Variants in RFX7 observed in about 807,000 individuals in gnomAD.
RFX7 encodes the protein DNA-binding protein RFX7.
Under a neutral mutation model 111.8 loss-of-function variants are expected in RFX7, and 26 were observed. That is an observed-to-expected ratio of 0.23 (90% confidence interval 0.17 to 0.32). The LOEUF (loss-of-function observed/expected upper bound fraction) is 0.32. Among genes scored for constraint, RFX7 ranks in the 10% least tolerant of loss-of-function variants. RFX7 has a pLI of 1.00. For missense variants in RFX7, 1,573 were observed against 1,772.9 expected (o/e 0.89, Z 2.02); for synonymous variants, 624 against 624.4 (o/e 1.00, Z 0.01).
intron 5 of RFX7, among the ~76,000 whole-genome samples, chr15:56,109,279 C>A (rs1431126138): frequency 1.3e-5 from 2 of 152,254 alleles, no homozygotes; most frequent in African/African-American, 2.4e-5. Context: ...AGCTCCTAAC[C>A]GCGAGTGATC....
intron 5 of RFX7, among the ~76,000 whole-genome samples, chr15:56,112,379 C>CAAAAAAAA (rs71110374): frequency 6.3e-4 from 45 of 71,752 alleles, no homozygotes; most frequent in African/African-American, 9.1e-4. Context: ...GAGTACAAAT[C>CAAAAAAAA]AAAAAAAAAA....
At chr15:56,147,303 C>G (rs934654415) in intron 3 of RFX7, among the ~76,000 whole-genome samples, 2 of 152,072 alleles carry the variant, frequency 1.3e-5, no homozygotes, top group Non-Finnish European at 2.9e-5. Context: ...CATGGATGAA[C>G]CTTGAAAACA....
chr15:56,225,631 A>T (rs2043474608), intron 2 of RFX7, among the ~76,000 whole-genome samples: 1 of 152,126 alleles, frequency 6.6e-6, no homozygotes, highest in South Asian at 2.1e-4. Context: ...GAACTCCAAA[A>T]TGTCTTTCTA....
chr15:56,110,376 G>C (rs1273341728), intron 5 of RFX7, among the ~76,000 whole-genome samples: 3 of 116,066 alleles, frequency 2.6e-5, no homozygotes, highest in Admixed American at 8.4e-5. Context: ...AGGTGGGGGG[G>C]GTCAGCCCCC....
chr15:56,139,664 T>C (rs561927314), intron 5 of RFX7, among the ~76,000 whole-genome samples: 25 of 152,370 alleles, frequency 1.6e-4, no homozygotes, highest in Admixed American at 1.1e-3. Context: ...GGTGAGGAAC[T>C]GCGTTCCTTT....
intron 2 of RFX7, among the ~76,000 whole-genome samples, chr15:56,236,772 A>G (rs1365840789): frequency 6.6e-6 from 1 of 152,202 alleles, no homozygotes; most frequent in African/African-American, 2.4e-5. Context: ...ATCTCTTTAT[A>G]AAGAAGACAA....
At chr15:56,142,292 A>G (rs1254303101) in intron 5 of RFX7, among the ~76,000 whole-genome samples, 1 of 152,218 alleles carries the variant, frequency 6.6e-6, no homozygotes, top group Admixed American at 6.5e-5. Context: ...GTGCAAGGAC[A>G]ACTCTCTTGT....
rs757866696 is a variant in RFX7 at position 56,093,531 on chromosome 15, A to G, written c.4197T>C (p.Thr1399=). 3.1e-6 allele frequency: 5 copies of G among 1,613,762 alleles called. No homozygotes were observed. In the South Asian group the frequency reaches 5.5e-5, roughly 18 times the overall value. The stretch of plus-strand genomic sequence containing the variant: ...GATCAAACAGTAGATTTGGGTCTAA[A>G]GTGTTCAAATCATTGATGCTGCCTG... The part of the protein sequence containing the change: ...ELSGSINDLN[T]LDPNLLFDPG... Residue 1399 remains threonine, a synonymous_variant, in exon 10 of 10, where the codon ACT becomes ACC. Coordinates refer to ENST00000559447, the MANE Select transcript of RFX7 (RefSeq NM_022841.7).
chr15:56,243,200 G>T lies in RFX7; in HGVS notation c.86C>A (p.Ala29Asp). The change falls in exon 2 of 10, where the codon GCC (alanine) becomes GAC (aspartate). Residue 29 changes from alanine (A) to aspartate (D), a missense_variant. Coordinates refer to ENST00000559447, the MANE Select transcript of RFX7 (RefSeq NM_022841.7). ...LPPSAPNSGVALPALVPGLPG... is the reference protein window; with the variant it reads ...LPPSAPNSGVDLPALVPGLPG... ...CAGCCCGGGCACAAGGGCTGGCAGGGCCACCCCCGAGTTGGGGGCGCTGGG... is the reference window on the plus strand; with the variant it reads ...CAGCCCGGGCACAAGGGCTGGCAGGTCCACCCCCGAGTTGGGGGCGCTGGG... 7.4e-7 allele frequency: 1 copy of T among 1,342,666 alleles called. No individual in the cohort carries two copies. The highest frequency in any genetic ancestry group is 1.2e-5 in the South Asian group (1 of 84,216). 83.2% of individuals were successfully genotyped at this position (1,342,666 alleles called of 1,614,324 possible). A position where few individuals can be genotyped will look rare whatever the true frequency, so the allele number is the denominator to read the frequency against.
At chr15:56,143,894 T>G (rs766126087) in intron 4 of RFX7, among the ~76,000 whole-genome samples, 2 of 152,152 alleles carry the variant, frequency 1.3e-5, no homozygotes, top group Admixed American at 6.5e-5. Context: ...AATGAACAGC[T>G]TCTCTCCACA....
At position 56,243,243 on chromosome 15, in the gene RFX7, C is replaced by A; in HGVS notation, c.43G>T (p.Ala15Ser). The A allele has an allele frequency of 7.7e-7, 1 of 1,305,670 alleles. No homozygotes were observed. 80.9% of individuals were successfully genotyped at this position (1,305,670 alleles called of 1,614,324 possible). ...QQQPPPQQPDAHQQLPPSAPN... is the reference protein window; with the variant it reads ...QQQPPPQQPDSHQQLPPSAPN... ...GCGCTGGGGGGAAGCTGCTGATGGG[C>A]ATCAGGCTGCTGTGGTGGCGGCTGT... Residue 15 changes from alanine to serine, a missense_variant, in exon 2 of 10, where the codon GCC becomes TCC. By Grantham distance (99) the Ala-to-Ser change is moderately conservative (BLOSUM62 1). This residue lies in a region of RFX7 where 191 missense variants were observed against 194.2 expected (regional missense o/e 0.98). Transcript: ENST00000559447.
chr15:56,194,468 C>T (rs2713942), intron 2 of RFX7, among the ~76,000 whole-genome samples: 147,253 of 152,204 alleles, frequency 0.97, 71,439 homozygotes, highest in East Asian at 1. Context: ...TAATTAATTC[C>T]GTTAAAAACA....
chr15:56,158,205 A>G lies in RFX7; in HGVS notation c.196-13722T>C, dbSNP rs563319601. Among the ~76,000 whole-genome samples the G allele has an allele frequency of 1.0e-3, 159 of 152,324 alleles. 1 individual carries two copies. Among genetic ancestry groups the G allele is most frequent in the South Asian group, 3.5e-3 (17 of 4,828 alleles). On this transcript the variant is annotated intron_variant, in intron 3 of 9. Transcript: ENST00000559447. ...CTATAGTGGGTAAGGTATAGGATAT[A>G]GAATTAGAAGACCCAGATCTGAGTT...
rs1176075150 is a variant in RFX7 at position 56,144,430 on chromosome 15, C to A, written c.249G>T (p.Leu83=). The change falls in exon 4 of 10, where the codon CTG becomes CTT. Residue 83 remains leucine (L), a synonymous_variant. Coordinates refer to ENST00000559447, the MANE Select transcript of RFX7 (RefSeq NM_022841.7). ...DLEKLYLYLQ[L]PSGLSNGEKS... is the part of the protein sequence containing the mutation. ...TCTCTCCATTGCTGAGACCAGAAGG[C>A]AGCTGAAGGTAGAGGTAGAGTTTCT... 2 of 1,365,616 alleles carry A rather than the reference C, an allele frequency of 1.5e-6. No homozygotes were observed. The highest frequency in any genetic ancestry group is 3.0e-5 in the African/African-American group (2 of 67,684). The allele number at this position is 1,365,616 out of a possible 1,614,324, so 84.6% of individuals were successfully genotyped here.
intron 2 of RFX7, among the ~76,000 whole-genome samples, chr15:56,224,636 C>T (rs890260435): frequency 6.6e-6 from 1 of 151,956 alleles, no homozygotes; most frequent in African/African-American, 2.4e-5. Context: ...TTCCCATTTT[C>T]CTCTGTCCTG....
intron 3 of RFX7, among the ~76,000 whole-genome samples, chr15:56,154,493 T>C (rs1163406581): frequency 6.6e-6 from 1 of 152,210 alleles, no homozygotes; most frequent in Non-Finnish European, 1.5e-5. Context: ...TACAACTATC[T>C]GATCTTTGAC....
chr15:56,150,505 T>C (rs1389134199), intron 3 of RFX7, among the ~76,000 whole-genome samples: 1 of 152,090 alleles, frequency 6.6e-6, no homozygotes, highest in African/African-American at 2.4e-5. Context: ...CCGCTGGTGA[T>C]ACCCAGACAA....
At chr15:56,173,265 G>A (rs2141115135) in intron 3 of RFX7, among the ~76,000 whole-genome samples, 1 of 152,270 alleles carries the variant, frequency 6.6e-6, no homozygotes, top group East Asian at 1.9e-4. Flanking sequence ...AGAGCTACCA[G>A]GGATCTACAA....
chr15:56,143,375 A>T (rs1410499490), intron 4 of RFX7, among the ~76,000 whole-genome samples: 1 of 151,478 alleles, frequency 6.6e-6, no homozygotes, highest in African/African-American at 2.4e-5. Context: ...ACACACACAC[A>T]TATATATGTA....
Sources: gnomAD v4.1 joint callset for allele counts (sites outside exome capture counted in the v4.1 genomes callset) on GRCh38, gnomAD v4.1.1 for gene constraint, gnomAD v4.1.1 regional missense constraint, MANE v1.5 for transcripts, NCBI Gene and HGNC (gene_info 2026-07-23, HGNC 2026-07-21) for gene names.